Variants in RCC2 observed in about 807,000 individuals in gnomAD.
RCC2 encodes regulator of chromosome condensation 2, also known as protein RCC2.
A neutral mutation model predicts 64.1 loss-of-function variants in RCC2; 19 were observed. That is an observed-to-expected ratio of 0.30 (90% CI 0.21 to 0.44). The LOEUF (loss-of-function observed/expected upper bound fraction) is 0.44. RCC2 is among the 20% of genes least tolerant of loss of function. The pLI, the probability that RCC2 is intolerant of heterozygous loss-of-function variation, is 1.00. For synonymous variants in RCC2, 325 were observed against 279.6 expected (o/e 1.16, Z -1.62); for missense variants, 508 against 710.4 (o/e 0.72, Z 3.24).
intron 2 of RCC2, among the ~76,000 whole-genome samples, chr1:17,433,178 T>C (rs1027708258): frequency 6.6e-6 from 1 of 152,260 alleles, no homozygotes; most frequent in South Asian, 2.1e-4. Flanking sequence ...ATGGATCCTA[T>C]TTCCTCACAC....
At chr1:17,438,995 C>A (rs758715196) in intron 1 of RCC2, among the ~76,000 whole-genome samples, 1 of 152,044 alleles carries the variant, frequency 6.6e-6, no homozygotes, top group South Asian at 2.1e-4. Context: ...CAGTCTCCCC[C>A]CAAACCCACT....
chr1:17,411,178 C>G (rs1163680553), intron 11 of RCC2, among the ~76,000 whole-genome samples: 1 of 152,020 alleles, frequency 6.6e-6, no homozygotes, highest in Non-Finnish European at 1.5e-5. Flanking sequence ...AAATAAGGGA[C>G]TAAAACTAAG....
chr1:17,413,385 C>A, intron 9 of RCC2, 152 bp downstream of exon 9: 1 of 949,822 alleles, frequency 1.1e-6, no homozygotes, highest in Non-Finnish European at 1.6e-6. Context: ...AGGAGTTCGA[C>A]ACCGGCCTGG....
chr1:17,427,146 T>G (rs750099259), intron 3 of RCC2, among the ~76,000 whole-genome samples: 60 of 152,106 alleles, frequency 3.9e-4, no homozygotes, highest in African/African-American at 1.4e-3. Flanking sequence ...CCAAATCGAG[T>G]GTGTAAGACT....
intron 8 of RCC2, among the ~76,000 whole-genome samples, chr1:17,415,185 T>C (rs533309838): frequency 6.6e-6 from 1 of 152,250 alleles, no homozygotes; most frequent in South Asian, 2.1e-4. Context: ...AACAAATCAG[T>C]TTTTGGACTT....
intron 3 of RCC2, among the ~76,000 whole-genome samples, chr1:17,427,912 G>A (rs536140227): frequency 4.5e-4 from 68 of 152,252 alleles, no homozygotes; most frequent in African/African-American, 1.5e-3. Flanking sequence ...CAATTCCCAC[G>A]GCCTCCGGAT....
At chr1:17,437,641 G>C (rs1222162251) in intron 2 of RCC2, among the ~76,000 whole-genome samples, 2 of 4,304 alleles carry the variant, frequency 4.6e-4, no homozygotes, top group Non-Finnish European at 6.5e-4. Context: ...TCAGCCGGGG[G>C]GCTTCCCCGA....
chr1:17,431,686 A>C (rs2075683398), intron 2 of RCC2, among the ~76,000 whole-genome samples: 1 of 151,716 alleles, frequency 6.6e-6, no homozygotes, highest in African/African-American at 2.4e-5. Flanking sequence ...TACACGACCC[A>C]AACCTGATTA....
intron 1 of RCC2, among the ~76,000 whole-genome samples, chr1:17,439,300 C>T (rs1426366646): frequency 6.0e-5 from 9 of 151,002 alleles, no homozygotes; most frequent in East Asian, 1.9e-4. Context: ...GCCGCCAGCT[C>T]CCCGGCGTCC....
At chr1:17,427,460 T>C (rs975604732) in intron 3 of RCC2, among the ~76,000 whole-genome samples, 3 of 152,162 alleles carry the variant, frequency 2.0e-5, no homozygotes, top group Non-Finnish European at 4.4e-5. Flanking sequence ...TCATGGTCTA[T>C]ATTAAAACTT....
intron 12 of RCC2, among the ~76,000 whole-genome samples, 178 bp from the exon 13 acceptor site, chr1:17,409,372 C>T (rs7513051): frequency 2.0e-5 from 3 of 152,264 alleles, no homozygotes; most frequent in Non-Finnish European, 2.9e-5. Context: ...CTGCCACCAA[C>T]GCTCTGCCAA....
chr1:17,437,766 GCAGAGCGCCGGCCGCC>G, intron 2 of RCC2, among the ~76,000 whole-genome samples: 1 of 12,098 alleles, frequency 8.3e-5, no homozygotes. Flanking sequence ...GCCGCTCCCC[GCAGAGCGCCGGCCGCC>G]CCCTCCCCGC....
intron 2 of RCC2, among the ~76,000 whole-genome samples, chr1:17,431,359 AAT>A (rs71014951): frequency 0.093 from 4,168 of 44,810 alleles, 590 homozygotes; most frequent in East Asian, 0.15. Context: ...AAAAAAAAAA[AAT>A]ATATATATAT....
chr1:17,422,378 A>C, intron 5 of RCC2, 87 bp from the exon 6 acceptor site: 9 of 1,257,786 alleles, frequency 7.2e-6, no homozygotes, highest in African/African-American at 1.5e-5. Context: ...AAAATAATAA[A>C]AACAGCTCAT....
In RCC2 at chr1:17,422,190, G is replaced by A. The variant is rs1449212146; in HGVS notation, c.744+13C>T. ...AACAAAAAGCCATGGAGCCGGAGCT[G>A]AGGAGGGGTCACCTGCGCGGGGCTG... On this transcript the variant is annotated intron_variant, in intron 6 of 12. Coordinates refer to ENST00000375436, the MANE Select transcript of RCC2 (RefSeq NM_018715.4). The A allele has an allele frequency of 1.3e-6, 2 of 1,587,808 alleles. No homozygotes were observed. The highest frequency in any genetic ancestry group is 1.3e-5 in the African/African-American group (1 of 74,104).
intron 7 of RCC2, 50 bp from the exon 8 acceptor site, chr1:17,416,696 C>A: frequency 6.4e-7 from 1 of 1,565,618 alleles, no homozygotes; most frequent in Non-Finnish European, 8.7e-7. Context: ...GCACAAGGGA[C>A]GTGTCAGTGT....
chr1:17,434,879 G>A (rs1308336318), intron 2 of RCC2, among the ~76,000 whole-genome samples: 1 of 152,234 alleles, frequency 6.6e-6, no homozygotes, highest in African/African-American at 2.4e-5. Flanking sequence ...TTGGGAGGCG[G>A]GCAAATCACG....
chr1:17,425,718 TG>T, intron 3 of RCC2, 34 bp from the exon 4 acceptor site: 1 of 1,571,034 alleles, frequency 6.4e-7, no homozygotes, highest in Admixed American at 1.7e-5. Context: ...ATCAGACACC[TG>T]GGGTGGTGGG....
In RCC2 at chr1:17,431,351, A is replaced by T. The variant is rs28519441; in HGVS notation, c.286-2152T>A. Among the ~76,000 whole-genome samples, 158 of 50,550 alleles carry T rather than the reference A, an allele frequency of 3.1e-3. 16 individuals are homozygous for T. The highest frequency in any genetic ancestry group is 8.9e-3 in the Middle Eastern group (1 of 112). 33.2% of individuals were successfully genotyped at this position (50,550 alleles called of 152,430 possible). A position where few individuals can be genotyped will look rare whatever the true frequency, so the allele number is the denominator to read the frequency against. On this transcript the variant is annotated intron_variant, in intron 2 of 12. Coordinates refer to ENST00000375436, the MANE Select transcript of RCC2 (RefSeq NM_018715.4). ...TCCATCTCAAAAAAAAAAAAAAAAA[A>T]AAAAAAAAATATATATATATATATA...
Sources: gnomAD v4.1 joint callset for allele counts (sites outside exome capture counted in the v4.1 genomes callset) on GRCh38, gnomAD v4.1.1 for gene constraint, MANE v1.5 for transcripts, NCBI Gene and HGNC (gene_info 2026-07-23, HGNC 2026-07-21) for gene names.